PDZRN3: variants seen among roughly 807,000 people sequenced by gnomAD.
PDZRN3 encodes the protein PDZ domain containing ring finger 3.
A neutral mutation model predicts 85.7 loss-of-function variants in PDZRN3; 38 were observed. The ratio of observed to expected loss-of-function variants is 0.44; its 90% confidence interval spans 0.34 to 0.58. The LOEUF (loss-of-function observed/expected upper bound fraction) is 0.58, where lower values mean the gene tolerates loss of function less well. PDZRN3 is among the 20% of genes least tolerant of loss of function. The probability of loss-of-function intolerance (pLI) is 0.01; values close to 1 mark genes in which losing one functional copy is unlikely to be tolerated. For synonymous variants in PDZRN3, 759 were observed against 638.0 expected (o/e 1.19, Z -2.86); for missense variants, 1,629 against 1,506.4 (o/e 1.08, Z -1.35).
At position 73,418,524 on chromosome 3, in the gene PDZRN3, G is replaced by C. The variant is rs769650093; in HGVS notation, c.919-14129C>G. Among the ~76,000 whole-genome samples the C allele has an allele frequency of 3.5e-4, 53 of 152,138 alleles. 1 individual carries two copies. The highest frequency in any genetic ancestry group is 1.5e-4 in the Non-Finnish European group (10 of 68,030). ...TTTTAATATAAGAGGAACCTCACTA[G>C]ACTGGTACTTACACCCTTCTGAATT... On this transcript the variant is annotated intron_variant, in intron 3 of 9. Coordinates refer to ENST00000263666, the MANE Select transcript of PDZRN3 (RefSeq NM_015009.3).
In PDZRN3 at chr3:73,386,041, T is replaced by G. The variant is rs369302565; in HGVS notation, c.1519-256A>C. Among the ~76,000 whole-genome samples the G allele has an allele frequency of 5.3e-5, 8 of 151,984 alleles. No individual in the cohort carries two copies. The East Asian group carries it at 9.7e-4, about 18-fold the overall frequency. ...TTTTTTTTTTTCAGGGTGAAACTCT[T>G]TCATCCATCTCAGCTACCTTCAGTG... On this transcript the variant is annotated intron_variant, in intron 8 of 9. Transcript: ENST00000263666.
chr3:73,453,426 A>AAC (rs1559687649), intron 3 of PDZRN3, among the ~76,000 whole-genome samples: 1 of 80,874 alleles, frequency 1.2e-5, no homozygotes, highest in African/African-American at 2.9e-5. Flanking sequence ...AAAAAAAACA[A>AAC]AAAAAAAAAA....
At chr3:73,417,409 A>T (rs746634747) in intron 3 of PDZRN3, among the ~76,000 whole-genome samples, 9 of 152,228 alleles carry the variant, frequency 5.9e-5, no homozygotes, top group Non-Finnish European at 8.8e-5. Context: ...GAGTTATGAC[A>T]ATTGAACTAT....
At chr3:73,429,451 CAG>C (rs1225228894) in intron 3 of PDZRN3, among the ~76,000 whole-genome samples, 1 of 151,488 alleles carries the variant, frequency 6.6e-6, no homozygotes, top group African/African-American at 2.4e-5. Flanking sequence ...TCAGCTGATG[CAG>C]AGTCTCTTTG....
At chr3:73,452,839 C>CTGTGTGTGTTTGTGTG (rs1553690757) in intron 3 of PDZRN3, among the ~76,000 whole-genome samples, 2 of 140,618 alleles carry the variant, frequency 1.4e-5, no homozygotes, top group African/African-American at 5.4e-5. Context: ...GTCCATATAT[C>CTGTGTGTGTTTGTGTG]TGTGTGTGTG....
intron 3 of PDZRN3, among the ~76,000 whole-genome samples, chr3:73,528,152 G>A (rs576857782): frequency 7.2e-5 from 11 of 152,186 alleles, no homozygotes; most frequent in Non-Finnish European, 1.0e-4. Flanking sequence ...TATTACTGAC[G>A]TGGTTGCCTT....
intron 2 of PDZRN3, among the ~76,000 whole-genome samples, chr3:73,604,909 T>C (rs1702572716): frequency 6.6e-6 from 1 of 150,982 alleles, no homozygotes; most frequent in Non-Finnish European, 1.5e-5. Context: ...TGGTGAGGGG[T>C]GGGGAAGGAT....
intron 3 of PDZRN3, among the ~76,000 whole-genome samples, chr3:73,567,782 C>T (rs1701975522): frequency 6.6e-6 from 1 of 152,188 alleles, no homozygotes; most frequent in Non-Finnish European, 1.5e-5. Flanking sequence ...CTCTATCTCC[C>T]TTCCAAACAT....
chr3:73,571,747 G>A (rs527678027), intron 3 of PDZRN3, among the ~76,000 whole-genome samples: 17 of 152,274 alleles, frequency 1.1e-4, no homozygotes, highest in Non-Finnish European at 2.2e-4. Context: ...CTCATCAACA[G>A]ACTGCTCCAA....
chr3:73,575,790 A>T (rs1315744795), intron 3 of PDZRN3, among the ~76,000 whole-genome samples: 2 of 152,172 alleles, frequency 1.3e-5, no homozygotes, highest in Non-Finnish European at 2.9e-5. Flanking sequence ...GACAAACAGG[A>T]GACCAAATTA....
chr3:73,530,316 G>A (rs1230210610), intron 3 of PDZRN3, among the ~76,000 whole-genome samples: 2 of 152,212 alleles, frequency 1.3e-5, no homozygotes, highest in East Asian at 1.9e-4. Flanking sequence ...AAATTAAGTG[G>A]TTACATAAGA....
chr3:73,402,370 C>T (rs1701766393), intron 4 of PDZRN3: 1 of 152,190 alleles, frequency 6.6e-6, no homozygotes, highest in African/African-American at 2.4e-5. Context: ...GTGAATCAGC[C>T]AGTTGTTCCA....
At chr3:73,446,397 T>C (rs1702749024) in intron 3 of PDZRN3, among the ~76,000 whole-genome samples, 1 of 152,168 alleles carries the variant, frequency 6.6e-6, no homozygotes, top group African/African-American at 2.4e-5. Flanking sequence ...TACTATTCCA[T>C]CATTTGGATT....
intron 3 of PDZRN3, among the ~76,000 whole-genome samples, chr3:73,528,188 G>A (rs1704569464): frequency 6.6e-6 from 1 of 152,184 alleles, no homozygotes; most frequent in Non-Finnish European, 1.5e-5. Flanking sequence ...AGACCTGCCT[G>A]GGATGCAGGT....
intron 3 of PDZRN3, among the ~76,000 whole-genome samples, chr3:73,444,889 A>G (rs1353235103): frequency 6.6e-6 from 1 of 152,258 alleles, no homozygotes; most frequent in Non-Finnish European, 1.5e-5. Flanking sequence ...GAGGAAACGC[A>G]GAAAGAGCTC....
chr3:73,467,819 T>C (rs984681622), intron 3 of PDZRN3, among the ~76,000 whole-genome samples: 2 of 152,168 alleles, frequency 1.3e-5, no homozygotes, highest in African/African-American at 4.8e-5. Context: ...AAAATATAGT[T>C]ACTCATGCTA....
chr3:73,570,907 A>C lies in PDZRN3; in HGVS notation c.918+31447T>G, dbSNP rs564801770. Among the ~76,000 whole-genome samples, 8 of 152,286 alleles carry C rather than the reference A, an allele frequency of 5.3e-5. No individual in the cohort carries two copies. The South Asian group carries it at 1.7e-3, about 32-fold the overall frequency. ...TTATTCTTGCCCTTAACATCCTATAAATACATCTGCTTTTGCTTGCTCTCA... is the reference window on the plus strand; with the variant it reads ...TTATTCTTGCCCTTAACATCCTATACATACATCTGCTTTTGCTTGCTCTCA... On this transcript the variant is annotated intron_variant, in intron 3 of 9. Transcript: ENST00000263666.
chr3:73,424,115 A>C (rs1440666935), intron 3 of PDZRN3, among the ~76,000 whole-genome samples: 1 of 152,160 alleles, frequency 6.6e-6, no homozygotes, highest in African/African-American at 2.4e-5. Context: ...ATAAGTAAAT[A>C]TCTTTCTGAC....
chr3:73,536,618 G>A (rs528633841), intron 3 of PDZRN3, among the ~76,000 whole-genome samples: 1 of 152,176 alleles, frequency 6.6e-6, no homozygotes, highest in African/African-American at 2.4e-5. Flanking sequence ...AGAAACAAAG[G>A]CTTCTTTAAA....
Sources: allele counts gnomAD v4.1 joint callset (sites outside exome capture counted in the v4.1 genomes callset), GRCh38; gene constraint gnomAD v4.1.1; transcripts MANE v1.5; gene names NCBI Gene and HGNC (gene_info 2026-07-23, HGNC 2026-07-21).